SMURF2: variants seen among roughly 807,000 people sequenced by gnomAD.
SMURF2 encodes the protein E3 ubiquitin-protein ligase SMURF2.
In SMURF2, 48 loss-of-function variants were observed where a neutral mutation model predicts 109.6. That is an observed-to-expected ratio of 0.44 (90% CI 0.35 to 0.56). The LOEUF is 0.56. Ranked by LOEUF, SMURF2 falls within the 20% of genes least tolerant of loss-of-function variation. The pLI, the probability that SMURF2 is intolerant of heterozygous loss-of-function variation, is 0.01. For synonymous variants in SMURF2, 288 were observed against 317.1 expected (o/e 0.91, Z 0.97); for missense variants, 575 against 909.0 (o/e 0.63, Z 4.72).
intron 5 of SMURF2, among the ~76,000 whole-genome samples, chr17:64,589,083 T>C (rs1969712762): frequency 1.3e-5 from 2 of 152,194 alleles, no homozygotes; most frequent in Admixed American, 6.5e-5. Context: ...AATGTTTGAG[T>C]CCAGCCTGCC....
rs1969748539 is a variant in SMURF2 at position 64,591,296 on chromosome 17, G to A, written c.335-147C>T. The A allele has an allele frequency of 6.6e-5, 38 of 576,514 alleles. No homozygotes were observed. The South Asian group carries it at 8.8e-4, about 13-fold the overall frequency. The allele number at this position is 576,514 out of a possible 1,614,324, so 35.7% of individuals were successfully genotyped here. On this transcript the variant is annotated intron_variant, in intron 4 of 18. Transcript: ENST00000262435. ...CAGATTTCAAAAACCAAACACTGGT[G>A]TATTACATTGCCAACATGCAGTCAC...
In SMURF2 at chr17:64,555,765, A is replaced by G. The variant is rs575354907; in HGVS notation, c.1610+55T>C. 11 of 1,238,684 alleles carry G rather than the reference A, an allele frequency of 8.9e-6. No homozygotes were observed. The African/African-American group carries it at 1.4e-4, about 15-fold the overall frequency. 76.7% of individuals were successfully genotyped at this position (1,238,684 alleles called of 1,614,324 possible). ...TTTAAGTACATCAGTTTTGAAACAT[A>G]TTTTTTTTTAAAGCTCAGAGTTTAT... is the stretch of plus-strand genomic sequence containing the variant. On this transcript the variant is annotated intron_variant, in intron 14 of 18. Transcript: ENST00000262435.
intron 1 of SMURF2, among the ~76,000 whole-genome samples, chr17:64,627,354 G>A (rs1970281906): frequency 6.6e-6 from 1 of 152,118 alleles, no homozygotes; most frequent in African/African-American, 2.4e-5. Flanking sequence ...GACCTCAAGT[G>A]ATCCGCCCAC....
chr17:64,558,793 A>C (rs1969165133), intron 12 of SMURF2, among the ~76,000 whole-genome samples: 1 of 152,216 alleles, frequency 6.6e-6, no homozygotes, highest in Admixed American at 6.5e-5. Context: ...TTTGTTACTC[A>C]CTTTGGAAAT....
intron 1 of SMURF2, among the ~76,000 whole-genome samples, chr17:64,653,767 A>C (rs1215570782): frequency 6.6e-6 from 1 of 152,216 alleles, no homozygotes; most frequent in Non-Finnish European, 1.5e-5. Context: ...CCCAAGGGCA[A>C]GAAAAACATG....
chr17:64,648,712 T>C (rs562903073), intron 1 of SMURF2, among the ~76,000 whole-genome samples: 1 of 152,168 alleles, frequency 6.6e-6, no homozygotes, highest in African/African-American at 2.4e-5. Flanking sequence ...GTCAAGGCTA[T>C]AGTGAGCCAT....
chr17:64,606,524 C>A (rs1456354864), intron 2 of SMURF2, 78 bp downstream of exon 2: 3 of 1,039,940 alleles, frequency 2.9e-6, no homozygotes, highest in East Asian at 5.4e-5. Context: ...TAGAGAAACC[C>A]CTAAACCAGA....
chr17:64,623,586 T>C (rs558846976), intron 1 of SMURF2, among the ~76,000 whole-genome samples: 25 of 152,396 alleles, frequency 1.6e-4, no homozygotes, highest in African/African-American at 5.5e-4. Context: ...TTGTTAAGTA[T>C]TCCCCAGTAA....
chr17:64,632,565 T>TA (rs1260875083), intron 1 of SMURF2, among the ~76,000 whole-genome samples: 7 of 152,198 alleles, frequency 4.6e-5, no homozygotes, highest in African/African-American at 1.7e-4. Flanking sequence ...TCAAAACACA[T>TA]AGTCAGCCTA....
intron 6 of SMURF2, among the ~76,000 whole-genome samples, chr17:64,585,690 CTA>C: frequency 6.6e-6 from 1 of 152,126 alleles, no homozygotes; most frequent in East Asian, 1.9e-4. Context: ...TGAAATCTTA[CTA>C]TGTTATTTTA....
At chr17:64,586,750 C>CAAAAAAA (rs782490512) in intron 5 of SMURF2, among the ~76,000 whole-genome samples, 1 of 27,464 alleles carries the variant, frequency 3.6e-5, no homozygotes, top group Admixed American at 3.8e-4. Context: ...GACTCCGTCT[C>CAAAAAAA]AAAAAAAAAA....
intron 1 of SMURF2, among the ~76,000 whole-genome samples, chr17:64,627,425 T>C (rs1970283040): frequency 6.6e-6 from 1 of 152,224 alleles, no homozygotes; most frequent in Non-Finnish European, 1.5e-5. Flanking sequence ...CTTAAGCCAT[T>C]AAGTTTTGAG....
intron 1 of SMURF2, among the ~76,000 whole-genome samples, chr17:64,629,311 A>T (rs1275132443): frequency 6.6e-6 from 1 of 152,158 alleles, no homozygotes; most frequent in Non-Finnish European, 1.5e-5. Context: ...GACCAGCTTG[A>T]ACAACATAGT....
rs1370419958 is a variant in SMURF2 at position 64,555,857 on chromosome 17, C to G, written c.1573G>C (p.Val525Leu). ...AAACTGTTGTGAAGATCCGGATCTA[C>G]TAACTCCATGTCATCCAAGGTAATT... is the stretch of plus-strand genomic sequence containing the variant. ...KSITLDDMEL[V>L]DPDLHNSLVW... Residue 525 changes from valine to leucine, a missense_variant, in exon 14 of 19, where the codon GTA becomes CTA. By Grantham distance (32) the Val-to-Leu change is conservative (BLOSUM62 1). Transcript: ENST00000262435. 1.9e-6 allele frequency: 3 copies of G among 1,613,078 alleles called. No individual in the cohort carries two copies. Among genetic ancestry groups the G allele is most frequent in the Non-Finnish European group, 2.5e-6 (3 of 1,179,490 alleles).
At chr17:64,579,115 T>G (rs570412793) in intron 8 of SMURF2, among the ~76,000 whole-genome samples, 1 of 152,094 alleles carries the variant, frequency 6.6e-6, no homozygotes, top group Admixed American at 6.6e-5. Context: ...CATAAACAGA[T>G]AGAGATGGAA....
intron 1 of SMURF2, among the ~76,000 whole-genome samples, chr17:64,631,061 G>C (rs1314278506): frequency 6.6e-6 from 1 of 151,634 alleles, no homozygotes; most frequent in African/African-American, 2.4e-5. Flanking sequence ...CAGCACTCTG[G>C]GAGGCCAACG....
At chr17:64,611,275 C>CCT (rs1257385388) in intron 1 of SMURF2, among the ~76,000 whole-genome samples, 3 of 152,018 alleles carry the variant, frequency 2.0e-5, no homozygotes, top group Admixed American at 6.6e-5. Context: ...CAGAACTCTT[C>CCT]CTCTCTCTCA....
chr17:64,616,732 A>G (rs949423182), intron 1 of SMURF2, among the ~76,000 whole-genome samples: 11 of 151,738 alleles, frequency 7.2e-5, no homozygotes, highest in African/African-American at 2.2e-4. Context: ...CAACTACCAT[A>G]TAGAGTGAAA....
intron 2 of SMURF2, among the ~76,000 whole-genome samples, chr17:64,601,017 G>A (rs1969887505): frequency 6.6e-6 from 1 of 152,106 alleles, no homozygotes; most frequent in Non-Finnish European, 1.5e-5. Context: ...GGGAGGCTGA[G>A]GCGAAAGGAT....
Sources: gnomAD v4.1 joint callset for allele counts (sites outside exome capture counted in the v4.1 genomes callset) on GRCh38, gnomAD v4.1.1 for gene constraint, MANE v1.5 for transcripts, NCBI Gene and HGNC (gene_info 2026-07-23, HGNC 2026-07-21) for gene names.